Variants in LRP1B observed in about 807,000 individuals in gnomAD.
The protein encoded by LRP1B is LDL receptor related protein 1B.
In LRP1B, 217 loss-of-function variants were observed where a neutral mutation model predicts 556.6. The observed-to-expected ratio is 0.39, with a 90% CI of 0.35 to 0.44. The LOEUF (loss-of-function observed/expected upper bound fraction) is 0.44. Among genes scored for constraint, LRP1B ranks in the 20% least tolerant of loss-of-function variants. The probability of loss-of-function intolerance (pLI) is 1.00; values close to 1 mark genes in which losing one functional copy is unlikely to be tolerated. For synonymous variants in LRP1B, 2,047 were observed against 1,865.8 expected (o/e 1.10, Z -2.50); for missense variants, 5,053 against 5,620.8 (o/e 0.90, Z 3.23).
At chr2:140,874,933 T>G (rs1693258532) in intron 25 of LRP1B, among the ~76,000 whole-genome samples, 1 of 151,664 alleles carries the variant, frequency 6.6e-6, no homozygotes, top group African/African-American at 2.4e-5. Flanking sequence ...GCGGGAGAAT[T>G]GCTTGAACCC....
chr2:140,723,408 A>C (rs2105479500), intron 35 of LRP1B, among the ~76,000 whole-genome samples: 1 of 152,300 alleles, frequency 6.6e-6, no homozygotes, highest in South Asian at 2.1e-4. Flanking sequence ...GCAAGGAAAA[A>C]ATTTTGAAGA....
At chr2:140,247,228 T>A (rs1681205104) in intron 86 of LRP1B, 66 bp from the exon 87 acceptor site, 1 of 1,107,206 alleles carries the variant, frequency 9.0e-7, no homozygotes, top group Non-Finnish European at 1.4e-6. Context: ...TCAGCTAATG[T>A]AGTAACTTTA....
At chr2:140,246,992 A>C in intron 87 of LRP1B, 94 bp downstream of exon 87, 1 of 854,350 alleles carries the variant, frequency 1.2e-6, no homozygotes. Flanking sequence ...AATTCCATGA[A>C]GAAAGTGTTC....
intron 3 of LRP1B, among the ~76,000 whole-genome samples, chr2:141,429,474 T>C (rs935410145): frequency 2.0e-5 from 3 of 152,156 alleles, no homozygotes; most frequent in Non-Finnish European, 2.9e-5. Flanking sequence ...TAAGGAAAAC[T>C]GTTTTTATTT....
intron 37 of LRP1B, among the ~76,000 whole-genome samples, chr2:140,710,670 A>G (rs1282528777): frequency 6.6e-6 from 1 of 152,052 alleles, no homozygotes; most frequent in East Asian, 1.9e-4. Flanking sequence ...CTCAGAGAGA[A>G]CCAGAAAATG....
intron 2 of LRP1B, among the ~76,000 whole-genome samples, chr2:141,584,630 G>A (rs979609675): frequency 6.6e-6 from 1 of 152,142 alleles, no homozygotes; most frequent in African/African-American, 2.4e-5. Context: ...ACACACACAT[G>A]CATGCACACC....
intron 7 of LRP1B, among the ~76,000 whole-genome samples, chr2:141,181,082 A>G (rs1680971132): frequency 6.6e-6 from 1 of 151,888 alleles, no homozygotes; most frequent in African/African-American, 2.4e-5. Context: ...GTCTAATTCC[A>G]TGTGGTTGTC....
intron 7 of LRP1B, 134 bp downstream of exon 7, chr2:141,188,287 A>G: frequency 1.2e-6 from 1 of 824,968 alleles, no homozygotes. Flanking sequence ...TTCCTGCGAC[A>G]CAGTTGTTAA....
intron 52 of LRP1B, among the ~76,000 whole-genome samples, chr2:140,508,138 T>C (rs1438189321): frequency 6.6e-6 from 1 of 152,128 alleles, no homozygotes; most frequent in African/African-American, 2.4e-5. Flanking sequence ...AATGGGTACT[T>C]GAAAAACTTA....
intron 11 of LRP1B, among the ~76,000 whole-genome samples, chr2:141,042,160 G>C (rs1698721331): frequency 6.6e-6 from 1 of 152,122 alleles, no homozygotes; most frequent in Admixed American, 6.6e-5. Context: ...TTTCAAGGAT[G>C]TTAATAAGGT....
At chr2:141,088,601 A>G (rs954341261) in intron 7 of LRP1B, among the ~76,000 whole-genome samples, 1 of 152,206 alleles carries the variant, frequency 6.6e-6, no homozygotes, top group Admixed American at 6.5e-5. Flanking sequence ...CCAAGAGGTC[A>G]TATGCCATAG....
chr2:141,639,344 A>G, intron 2 of LRP1B, among the ~76,000 whole-genome samples: 1 of 35,444 alleles, frequency 2.8e-5, no homozygotes. Flanking sequence ...ATATATATAT[A>G]TATATACACA....
intron 1 of LRP1B, among the ~76,000 whole-genome samples, chr2:142,062,602 T>G (rs1271546078): frequency 1.3e-5 from 2 of 151,800 alleles, no homozygotes; most frequent in Admixed American, 1.3e-4. Context: ...TGGGTCCTTA[T>G]GAACTAAGTG....
At chr2:141,699,217 GTC>G (rs1691846935) in intron 2 of LRP1B, among the ~76,000 whole-genome samples, 1 of 151,664 alleles carries the variant, frequency 6.6e-6, no homozygotes, top group Non-Finnish European at 1.5e-5. Context: ...CTGATACCTG[GTC>G]TCTCTTCCTA....
rs573174473 is a variant in LRP1B, at chr2:141,054,348, C to T, written c.1552+768G>A. 7.9e-5 allele frequency among the ~76,000 whole-genome samples: 12 copies of T among 151,988 alleles called. No homozygotes were observed. The East Asian group carries it at 1.6e-3, about 20-fold the overall frequency. ...ATTAAAAATAATGGTGTTTGGGGAA[C>T]ATTTAAAGACCAACAGTCCCCACTA... On this transcript the variant is annotated intron_variant, in intron 10 of 90. Transcript: ENST00000389484.
At chr2:141,320,087 A>G (rs139116049) in intron 3 of LRP1B, among the ~76,000 whole-genome samples, 416 of 152,210 alleles carry the variant, frequency 2.7e-3, no homozygotes, top group Non-Finnish European at 4.7e-3. Context: ...ATGTTTCTAG[A>G]CTATGGAACA....
At chr2:141,996,733 T>C (rs1331573576) in intron 1 of LRP1B, among the ~76,000 whole-genome samples, 4 of 139,552 alleles carry the variant, frequency 2.9e-5, no homozygotes, top group African/African-American at 1.1e-4. Context: ...TACAAACTAG[T>C]GACACAAAGT....
chr2:141,969,080 A>G (rs1206777807), intron 1 of LRP1B, among the ~76,000 whole-genome samples: 1 of 151,132 alleles, frequency 6.6e-6, no homozygotes, highest in Admixed American at 6.6e-5. Context: ...GGCAACCTGC[A>G]AGTTAGTCCT....
chr2:140,360,183 G>A (rs1162342355), intron 72 of LRP1B, among the ~76,000 whole-genome samples: 1 of 151,494 alleles, frequency 6.6e-6, no homozygotes, highest in Non-Finnish European at 1.5e-5. Context: ...TATTTTGAAT[G>A]GCCTAATAGA....
Sources: gnomAD v4.1 joint callset for allele counts (sites outside exome capture counted in the v4.1 genomes callset) on GRCh38, gnomAD v4.1.1 for gene constraint, MANE v1.5 for transcripts, NCBI Gene and HGNC (gene_info 2026-07-23, HGNC 2026-07-21) for gene names.